Variants in ALS2CL observed in about 807,000 individuals in gnomAD.
ALS2CL encodes ALS2 C-terminal like.
Under a neutral mutation model 127.9 loss-of-function variants are expected in ALS2CL, and 112 were observed. The ratio of observed to expected loss-of-function variants is 0.88; its 90% CI spans 0.75 to 1.02. The LOEUF (loss-of-function observed/expected upper bound fraction) is 1.02. Ranked by LOEUF, ALS2CL falls within the 50% of genes least tolerant of loss-of-function variation. The pLI, the probability that ALS2CL is intolerant of heterozygous loss-of-function variation, is 0.00. For synonymous variants in ALS2CL, 519 were observed against 527.6 expected (o/e 0.98, Z 0.22); for missense variants, 1,174 against 1,236.7 (o/e 0.95, Z 0.76).
intron 7 of ALS2CL, among the ~76,000 whole-genome samples, 182 bp downstream of exon 7, chr3:46,685,343 C>T (rs781665356): frequency 8.5e-5 from 13 of 152,220 alleles, no homozygotes; most frequent in Non-Finnish European, 1.6e-4. Flanking sequence ...CCCCTCAGCC[C>T]ATGCTCCTCT....
rs1699041130 is a variant in ALS2CL, at chr3:46,678,348, C to T, written c.1668G>A (p.Ser556=). Residue 556 remains serine (S), a synonymous_variant, in exon 16 of 26, where the codon TCG becomes TCA. Transcript: ENST00000318962. ...TFPNGFTLEG[S]FGSGAGRGLH... ...GTCCTCTCCCTGCCCCACTGCCGAA[C>T]GAGCCCTCCAGGGTGAAGCCATTGG... 14 of 1,613,266 alleles carry T rather than the reference C, an allele frequency of 8.7e-6. No individual in the cohort carries two copies. In the Middle Eastern group the frequency reaches 5.0e-4, roughly 57 times the overall value.
intron 21 of ALS2CL, 24 bp downstream of exon 21, chr3:46,674,542 G>A (rs1020805619): frequency 1.0e-5 from 16 of 1,600,078 alleles, no homozygotes; most frequent in East Asian, 6.7e-5. Context: ...TGGCTAACAC[G>A]GCACGGGGGA....
intron 19 of ALS2CL, 104 bp downstream of exon 19, chr3:46,676,141 A>G: frequency 6.7e-7 from 1 of 1,500,418 alleles, no homozygotes; most frequent in East Asian, 2.3e-5. Flanking sequence ...TCATTGTTGA[A>G]TCAGACACTT....
Position 46,669,845 on chromosome 3 carries a change from GC to G in ALS2CL, c.*1138del, listed in dbSNP as rs957205317. ...CTGCCAGGGACTCAGGTGTGGCTGG[GC>G]TTTCCAGAGCCTCCCTCAACCCTCC... On this transcript the variant is annotated 3_prime_UTR_variant, in exon 26 of 26. Transcript: ENST00000318962. 3 of 152,310 alleles carry G rather than the reference GC, an allele frequency of 2.0e-5. No individual in the cohort carries two copies. Among genetic ancestry groups the G allele is most frequent in the African/African-American group, 7.2e-5 (3 of 41,452 alleles). 9.4% of individuals were successfully genotyped at this position (152,310 alleles called of 1,614,324 possible). A position where few individuals can be genotyped will look rare whatever the true frequency, so the allele number is the denominator to read the frequency against.
intron 7 of ALS2CL, 104 bp downstream of exon 7, chr3:46,685,421 C>T: frequency 3.3e-6 from 5 of 1,532,644 alleles, no homozygotes; most frequent in Non-Finnish European, 4.4e-6. Context: ...TCCCTCCCAG[C>T]CCACTTTCTC....
Position 46,671,528 on chromosome 3 carries a change from T to C in ALS2CL, c.2741A>G (p.His914Arg). The change falls in exon 25 of 26, where the codon CAC becomes CGC. Residue 914 changes from histidine (H) to arginine (R), a missense_variant. His to Arg is a conservative substitution (Grantham distance 29). Transcript: ENST00000318962. ...CAGGAAGTCATACAGGCCTCCTGTG[T>C]GGTTGGGGTCCATCATGTCACGGAT... Reference protein sequence around the residue: ...HLIRDMMDPNHTGGLYDFLLT... With the variant: ...HLIRDMMDPNRTGGLYDFLLT... 6.2e-7 allele frequency: 1 copy of C among 1,613,950 alleles called. No homozygotes were observed. The highest frequency in any genetic ancestry group is 8.5e-7 in the Non-Finnish European group (1 of 1,179,962).
Position 46,686,513 on chromosome 3 carries a change from G to A in ALS2CL, c.535-74C>T. 6.5e-7 allele frequency: 1 copy of A among 1,540,916 alleles called. No homozygotes were observed. Among genetic ancestry groups the A allele is most frequent in the South Asian group, 1.3e-5 (1 of 78,788 alleles). On this transcript the variant is annotated intron_variant, in intron 5 of 25. Coordinates refer to ENST00000318962, the MANE Select transcript of ALS2CL (RefSeq NM_147129.5). This position sits in a 1 kb window ranked among gnomAD's most constrained non-coding sequence, Gnocchi z 4.3. The stretch of plus-strand genomic sequence containing the variant: ...CCCTAGCCCAGTCCTGGTCCCGGCT[G>A]GTGGGGAGGCCTGAATCTAGGCCAG...
chr3:46,689,701 G>A (rs1700041770), intron 1 of ALS2CL, among the ~76,000 whole-genome samples: 2 of 152,216 alleles, frequency 1.3e-5, no homozygotes, highest in South Asian at 4.1e-4. Context: ...GCTGCCAAGG[G>A]AAGCAACCCT....
At position 46,681,793 on chromosome 3, in the gene ALS2CL, T is replaced by C. The variant is rs973842351; in HGVS notation, c.1176-195A>G. Among the ~76,000 whole-genome samples, 4 of 152,102 alleles carry C rather than the reference T, an allele frequency of 2.6e-5. No homozygotes were observed. Among genetic ancestry groups the C allele is most frequent in the African/African-American group, 9.7e-5 (4 of 41,412 alleles). ...TCCCTCCAGCCTGGTCCCGAGCACCTTGGAGCACCTTTTGGCCTGTACCAC... is the reference window on the plus strand; with the variant it reads ...TCCCTCCAGCCTGGTCCCGAGCACCCTGGAGCACCTTTTGGCCTGTACCAC... On this transcript the variant is annotated intron_variant, in intron 11 of 25. Transcript: ENST00000318962. This position sits in a 1 kb window ranked among gnomAD's most constrained non-coding sequence, Gnocchi z 4.9.
intron 20 of ALS2CL, 188 bp downstream of exon 20, chr3:46,675,430 C>G: frequency 1.7e-6 from 1 of 591,204 alleles, no homozygotes. Context: ...TGCCCCCTCC[C>G]TGGTTCCTCA....
chr3:46,683,257 G>C lies in ALS2CL; in HGVS notation c.982C>G (p.Leu328Val). The C allele has an allele frequency of 6.2e-7, 1 of 1,610,350 alleles. No homozygotes were observed. Among genetic ancestry groups the C allele is most frequent in the South Asian group, 1.1e-5 (1 of 90,492 alleles). Residue 328 changes from leucine (L) to valine (V), a missense_variant, in exon 10 of 26, where the codon CTG becomes GTG. Transcript: ENST00000318962. Reference protein sequence around the residue: ...ALHGKKDFPVLGAGLEPSQPP... With the variant: ...ALHGKKDFPVVGAGLEPSQPP... ...TGGGAGGGCTCCAGGCCAGCCCCCA[G>C]CACGGGGAAGTCCTTCTTCCCATGC...
intron 7 of ALS2CL, among the ~76,000 whole-genome samples, chr3:46,684,898 G>A (rs970988089): frequency 3.9e-5 from 6 of 152,182 alleles, no homozygotes; most frequent in Non-Finnish European, 7.4e-5. Context: ...CCGGCCACCT[G>A]TCTGCAAGGG....
chr3:46,676,793 CA>C, intron 17 of ALS2CL, 55 bp from the exon 18 acceptor site: 1 of 1,607,546 alleles, frequency 6.2e-7, no homozygotes, highest in Non-Finnish European at 8.5e-7. Flanking sequence ...CCCCTCCCCC[CA>C]GGAAGCCCTC....
At chr3:46,676,441 T>A (rs6808525) in intron 18 of ALS2CL, 39 bp from the exon 19 acceptor site, 4 of 1,610,472 alleles carry the variant, frequency 2.5e-6, no homozygotes, top group Non-Finnish European at 3.4e-6. Context: ...GACTAAGCAC[T>A]GGGGTCTGGA....
rs753861213 is a variant in ALS2CL at position 46,683,223 on chromosome 3, T to C, written c.1016A>G (p.Asp339Gly). 1 of 1,609,170 alleles carries C rather than the reference T, an allele frequency of 6.2e-7. No homozygotes were observed. The highest frequency in any genetic ancestry group is 1.3e-5 in the African/African-American group (1 of 74,804). The change falls in exon 10 of 26, where the codon GAC becomes GGC. Residue 339 changes from aspartate (D) to glycine (G), a missense_variant. Coordinates refer to ENST00000318962, the MANE Select transcript of ALS2CL (RefSeq NM_147129.5). Reference protein sequence around the residue: ...GAGLEPSQPPDCRCAEYTFQA... With the variant: ...GAGLEPSQPPGCRCAEYTFQA... ...GAAGGTATATTCTGCGCAGCGGCAGTCGGGAGGCTGGGAGGGCTCCAGGCC... is the reference window on the plus strand; with the variant it reads ...GAAGGTATATTCTGCGCAGCGGCAGCCGGGAGGCTGGGAGGGCTCCAGGCC...
Position 46,685,643 on chromosome 3 carries a change from T to C in ALS2CL, c.668A>G (p.Asp223Gly). Residue 223 changes from aspartate to glycine, a missense_variant and splice_region_variant, in exon 7 of 26, where the codon GAT becomes GGT. Physicochemically the swap from Asp to Gly is moderately conservative, Grantham distance 94 (BLOSUM62 -1). Coordinates refer to ENST00000318962, the MANE Select transcript of ALS2CL (RefSeq NM_147129.5). Reference protein sequence around the residue: ...LWHTLRGRLRDVLCTPAHRLL... With the variant: ...LWHTLRGRLRGVLCTPAHRLL... ...TCTGTGAGCAGGGGTGCAGAGCACA[T>C]CCTGGTGGGGCAAAGAGGACAGTAC... The C allele has an allele frequency of 1.9e-6, 3 of 1,613,446 alleles. No homozygotes were observed. In the East Asian group the frequency reaches 6.7e-5, roughly 36 times the overall value.
At chr3:46,689,313 T>A in intron 2 of ALS2CL, 25 bp downstream of exon 2, 1 of 1,609,658 alleles carries the variant, frequency 6.2e-7, no homozygotes. Flanking sequence ...TGCCCTTCCC[T>A]CCCCACTAGA....
At chr3:46,690,517 C>T (rs547772681) in intron 1 of ALS2CL, among the ~76,000 whole-genome samples, 3 of 152,278 alleles carry the variant, frequency 2.0e-5, no homozygotes, top group Non-Finnish European at 2.9e-5. Flanking sequence ...GAGGCCTGGG[C>T]TCAAACCTAC....
At chr3:46,679,379 G>C in intron 14 of ALS2CL, 92 bp from the exon 15 acceptor site, 111 of 1,054,772 alleles carry the variant, frequency 1.1e-4, no homozygotes, top group Middle Eastern at 2.7e-4. Flanking sequence ...GAAGGGAGAT[G>C]TGCCCTGACA....
Sources: gnomAD v4.1 joint callset for allele counts (sites outside exome capture counted in the v4.1 genomes callset) on GRCh38, gnomAD v4.1.1 for gene constraint, Gnocchi (gnomAD v3.1) non-coding constraint, MANE v1.5 for transcripts, NCBI Gene and HGNC (gene_info 2026-07-23, HGNC 2026-07-21) for gene names.